Variants in RBFOX1 observed in about 807,000 individuals in gnomAD.
RBFOX1 encodes RNA binding fox-1 homolog 1.
A neutral mutation model predicts 57.7 loss-of-function variants in RBFOX1; 8 were observed. The ratio of observed to expected loss-of-function variants is 0.14; its 90% CI spans 0.08 to 0.25. The LOEUF (loss-of-function observed/expected upper bound fraction) is 0.25, where lower values mean the gene tolerates loss of function less well. Ranked by LOEUF, RBFOX1 falls within the 10% of genes least tolerant of loss-of-function variation. The pLI is 1.00. For missense variants in RBFOX1, 611 were observed against 548.5 expected, an observed-to-expected ratio of 1.11 and a Z score of -1.14; for synonymous variants, 326 against 222.4, an observed-to-expected ratio of 1.47 and a Z score of -4.15.
At chr16:6,144,267 T>G (rs2096741220) in intron 1 of RBFOX1, among the ~76,000 whole-genome samples, 1 of 152,214 alleles carries the variant, frequency 6.6e-6, no homozygotes. Flanking sequence ...GATAATTTAT[T>G]AGGCATATTG....
chr16:6,443,567 G>C (rs543067158), intron 2 of RBFOX1, among the ~76,000 whole-genome samples: 38 of 152,296 alleles, frequency 2.5e-4, no homozygotes, highest in East Asian at 2.3e-3. Context: ...AGTGTGCTCT[G>C]TAACTTCTCT....
chr16:5,679,119 G>A (rs931959711), intron 3 of RBFOX1, among the ~76,000 whole-genome samples: 3 of 152,146 alleles, frequency 2.0e-5, no homozygotes, highest in African/African-American at 7.2e-5. Context: ...TAGCTGTTCA[G>A]CTAATTGGCA....
chr16:5,690,706 G>A (rs944291528), intron 3 of RBFOX1, among the ~76,000 whole-genome samples: 5 of 152,092 alleles, frequency 3.3e-5, no homozygotes, highest in African/African-American at 9.7e-5. Context: ...CAAATGAATG[G>A]GTACAGAAAG....
At chr16:5,961,461 C>T (rs550237345) in intron 4 of RBFOX1, among the ~76,000 whole-genome samples, 2 of 148,972 alleles carry the variant, frequency 1.3e-5, no homozygotes, top group Admixed American at 1.4e-4. Context: ...TTAGGTCTCC[C>T]TTTGTGCTCT....
At chr16:6,482,397 C>T (rs1432694962) in intron 2 of RBFOX1, among the ~76,000 whole-genome samples, 1 of 152,192 alleles carries the variant, frequency 6.6e-6, no homozygotes, top group East Asian at 1.9e-4. Context: ...TTTTTGGTCC[C>T]TACCAAAATC....
chr16:7,438,429 G>T (rs1413274578), intron 4 of RBFOX1, among the ~76,000 whole-genome samples: 1 of 152,042 alleles, frequency 6.6e-6, no homozygotes, highest in Non-Finnish European at 1.5e-5. Context: ...GTTTTGCCCT[G>T]TCCTGGGAGG....
chr16:6,611,998 C>T (rs1356219161), intron 2 of RBFOX1, among the ~76,000 whole-genome samples: 2 of 128,056 alleles, frequency 1.6e-5, no homozygotes, highest in African/African-American at 5.2e-5. Flanking sequence ...TCTCCCGAGT[C>T]CCCTTGATGA....
At chr16:6,406,313 A>G (rs1297893581) in intron 2 of RBFOX1, among the ~76,000 whole-genome samples, 1 of 148,878 alleles carries the variant, frequency 6.7e-6, no homozygotes, top group African/African-American at 2.4e-5. Flanking sequence ...GTCCCTTCCT[A>G]TAATCAAACT....
At chr16:7,463,788 G>T (rs1341453256) in intron 4 of RBFOX1, among the ~76,000 whole-genome samples, 1 of 152,146 alleles carries the variant, frequency 6.6e-6, no homozygotes, top group Non-Finnish European at 1.5e-5. Flanking sequence ...ACATTGCTCT[G>T]ATAACGACAA....
intron 2 of RBFOX1, among the ~76,000 whole-genome samples, chr16:6,644,968 A>G (rs1306718161): frequency 2.6e-5 from 4 of 152,196 alleles, no homozygotes; most frequent in Admixed American, 6.5e-5. Context: ...CTAGGTGCTT[A>G]AAACAACTGA....
intron 4 of RBFOX1, among the ~76,000 whole-genome samples, chr16:7,428,446 C>A (rs985273088): frequency 6.8e-6 from 1 of 147,790 alleles, no homozygotes; most frequent in African/African-American, 2.5e-5. Flanking sequence ...CCTGCCTCAG[C>A]CCCCTGAGTA....
chr16:7,524,694 A>G (rs1013352532), intron 5 of RBFOX1, among the ~76,000 whole-genome samples: 4 of 152,352 alleles, frequency 2.6e-5, no homozygotes, highest in East Asian at 1.9e-4. Context: ...GAAAAGAACT[A>G]TTTAGAGAGC....
At chr16:5,377,728 T>A (rs475513) in intron 1 of RBFOX1, among the ~76,000 whole-genome samples, 73,669 of 150,984 alleles carry the variant, frequency 0.49, 19,936 homozygotes, top group African/African-American at 0.7. Context: ...AGGGAGCCTG[T>A]AAGACAGAAC....
chr16:7,535,541 T>C (rs984903777), intron 5 of RBFOX1, among the ~76,000 whole-genome samples: 9 of 152,204 alleles, frequency 5.9e-5, no homozygotes, highest in Non-Finnish European at 8.8e-5. Flanking sequence ...TGGAATTAAA[T>C]TGTGAAGTCT....
chr16:6,354,157 T>A (rs1279424429), intron 2 of RBFOX1, among the ~76,000 whole-genome samples: 1 of 152,006 alleles, frequency 6.6e-6, no homozygotes, highest in African/African-American at 2.4e-5. Flanking sequence ...GAGGTGGATG[T>A]TGGAGTGAGC....
intron 3 of RBFOX1, among the ~76,000 whole-genome samples, chr16:6,822,042 C>T (rs1406961291): frequency 1.3e-5 from 2 of 152,124 alleles, no homozygotes; most frequent in South Asian, 2.1e-4. Flanking sequence ...ATAGACTTGA[C>T]AAGTGATCAT....
chr16:6,541,877 G>C (rs1481774173), intron 2 of RBFOX1, among the ~76,000 whole-genome samples: 3 of 152,018 alleles, frequency 2.0e-5, no homozygotes, highest in Admixed American at 6.6e-5. Flanking sequence ...TTAACCCAAA[G>C]AGTTTACATC....
At chr16:7,204,219 C>T (rs554184430) in intron 4 of RBFOX1, among the ~76,000 whole-genome samples, 4 of 152,320 alleles carry the variant, frequency 2.6e-5, no homozygotes, top group Non-Finnish European at 5.9e-5. Context: ...TCTCATCCTA[C>T]CTCTCATCTC....
At chr16:5,409,564 C>G (rs2066958869) in intron 1 of RBFOX1, among the ~76,000 whole-genome samples, 1 of 152,126 alleles carries the variant, frequency 6.6e-6, no homozygotes, top group African/African-American at 2.4e-5. Context: ...TCATACTCAA[C>G]AAATATTTAT....
Sources: allele counts gnomAD v4.1 joint callset (sites outside exome capture counted in the v4.1 genomes callset), GRCh38; gene constraint gnomAD v4.1.1; transcripts MANE v1.5; gene names NCBI Gene and HGNC (gene_info 2026-07-23, HGNC 2026-07-21).